The following ZBTB37 variants were observed in gnomAD, a reference collection of about 807,000 sequenced individuals.
The protein encoded by ZBTB37 is zinc finger and BTB domain containing 37.
ZBTB37 carries 15 observed loss-of-function variants against 37.7 expected under a neutral mutation model. The ratio of observed to expected loss-of-function variants is 0.40; its 90% CI spans 0.27 to 0.61. The LOEUF is 0.61. Ranked by LOEUF, ZBTB37 falls within the 20% of genes least tolerant of loss-of-function variation. ZBTB37 has a pLI of 0.44. For missense variants in ZBTB37, 514 were observed against 641.9 expected (o/e 0.80, Z 2.15); for synonymous variants, 231 against 220.6 (o/e 1.05, Z -0.42).
exon 2 of ZBTB37, chr1:173,868,974 T>G (rs908142586): frequency 6.6e-6 from 1 of 152,658 alleles, no homozygotes. Flanking sequence ...CTCCAGGGGC[T>G]TCCTCACTGG....
chr1:173,880,925 C>G (rs1457720717), intron 4 of ZBTB37, among the ~76,000 whole-genome samples: 1 of 151,142 alleles, frequency 6.6e-6, no homozygotes, highest in Non-Finnish European at 1.5e-5. Context: ...TATTACCTTC[C>G]TTAGAGTTGG....
intron 4 of ZBTB37, among the ~76,000 whole-genome samples, chr1:173,874,425 A>G (rs377098208): frequency 6.7e-6 from 1 of 149,562 alleles, no homozygotes; most frequent in African/African-American, 2.5e-5. Flanking sequence ...ATCTCGGCTC[A>G]CTGCAAGCTC....
chr1:173,888,623 T>G (rs370830072), downstream of ZBTB37: 1 of 151,886 alleles, frequency 6.6e-6, no homozygotes, highest in African/African-American at 2.4e-5. Context: ...AGACGGTGTC[T>G]CTACAAAATT....
chr1:173,874,461 C>T (rs1354229803), intron 4 of ZBTB37, among the ~76,000 whole-genome samples: 4 of 151,838 alleles, frequency 2.6e-5, no homozygotes, highest in Non-Finnish European at 4.4e-5. Context: ...CGCCATTCTC[C>T]TGCCTCAGCC....
intron 3 of ZBTB37, among the ~76,000 whole-genome samples, chr1:173,871,716 GT>G (rs1655577455): frequency 6.6e-6 from 1 of 152,110 alleles, no homozygotes; most frequent in South Asian, 2.1e-4. Flanking sequence ...TATCTTCCCT[GT>G]TTTCTTTCAT....
intron 4 of ZBTB37, among the ~76,000 whole-genome samples, chr1:173,882,992 A>T (rs921053830): frequency 1.3e-5 from 2 of 152,220 alleles, no homozygotes; most frequent in African/African-American, 4.8e-5. Context: ...AAATGCTATT[A>T]CTATATTCAC....
exon 3 of ZBTB37, chr1:173,871,128 A>G: frequency 6.2e-7 from 1 of 1,606,456 alleles, no homozygotes; most frequent in Non-Finnish European, 8.5e-7. Flanking sequence ...TGGCTCGGCC[A>G]ACAAGCAGTG....
exon 4 of ZBTB37, chr1:173,891,738 G>A (rs1656848988): frequency 6.6e-6 from 1 of 152,080 alleles, no homozygotes; most frequent in Non-Finnish European, 1.5e-5. Flanking sequence ...GGACCAGCCT[G>A]GGCAACATAG....
exon 4 of ZBTB37, chr1:173,898,522 A>T (rs963338412): frequency 6.6e-6 from 1 of 151,342 alleles, no homozygotes; most frequent in Non-Finnish European, 1.5e-5. Flanking sequence ...CCCCAAAGTG[A>T]TAGGATTACA....
intron 4 of ZBTB37, among the ~76,000 whole-genome samples, chr1:173,879,807 C>T (rs1039057711): frequency 1.3e-5 from 2 of 152,056 alleles, no homozygotes; most frequent in East Asian, 1.9e-4. Context: ...AAACATTAGC[C>T]AGGCATGGTG....
chr1:173,883,420 G>A (rs9425429), intron 4 of ZBTB37, among the ~76,000 whole-genome samples: 1,799 of 152,248 alleles, frequency 0.012, 45 homozygotes, highest in African/African-American at 0.042. Context: ...CGGAGGTTGT[G>A]ATGAGCCGAG....
chr1:173,872,116 T>C (rs1655606862), intron 3 of ZBTB37, among the ~76,000 whole-genome samples: 1 of 152,224 alleles, frequency 6.6e-6, no homozygotes, highest in African/African-American at 2.4e-5. Context: ...TCGTCCAGGC[T>C]GGAGTGCAGT....
intron 4 of ZBTB37, among the ~76,000 whole-genome samples, chr1:173,878,681 G>T (rs567737038): frequency 6.6e-6 from 1 of 152,218 alleles, no homozygotes; most frequent in Non-Finnish European, 1.5e-5. Flanking sequence ...TTAGCTTCTA[G>T]TGGTAAACAT....
At chr1:173,891,412 T>C (rs1485876312), downstream of ZBTB37, 5 of 151,904 alleles carry the variant, frequency 3.3e-5, no homozygotes, top group Non-Finnish European at 7.4e-5. Context: ...GCCAAGTTTT[T>C]CTTCCTTTTT....
At chr1:173,878,338 A>G (rs1240265990) in intron 4 of ZBTB37, among the ~76,000 whole-genome samples, 1 of 152,146 alleles carries the variant, frequency 6.6e-6, no homozygotes, top group African/African-American at 2.4e-5. Flanking sequence ...CAGAGACCAC[A>G]TTTTCTTTCC....
rs199857517 is a variant in ZBTB37 at position 173,875,332 on chromosome 1, T to TATA, written c.1023+1766_1023+1767insATA. Among the ~76,000 whole-genome samples the TATA allele has an allele frequency of 5.4e-3, 438 of 81,792 alleles. 2 individuals are homozygous for TATA. The highest frequency in any genetic ancestry group is 0.022 in the Middle Eastern group (4 of 186). The allele number at this position is 81,792 out of a possible 152,430, so 53.7% of individuals were successfully genotyped here. A position where few individuals can be genotyped will look rare whatever the true frequency, so the allele number is the denominator to read the frequency against. On this transcript the variant is annotated intron_variant, in intron 4 of 4. Transcript: ENST00000427304. ...TATATGTGTGCATATATATATATAT[T>TATA]TTTTTTTTTTTTTGAGGCAGTCTTG... is the stretch of plus-strand genomic sequence containing the variant.
chr1:173,879,069 G>C (rs887657966), intron 4 of ZBTB37, among the ~76,000 whole-genome samples: 17 of 133,100 alleles, frequency 1.3e-4, no homozygotes, highest in Non-Finnish European at 2.7e-4. Context: ...CCAGCCCGGG[G>C]AACAAGAGCA....
chr1:173,878,675 C>T (rs1656118916), intron 4 of ZBTB37, among the ~76,000 whole-genome samples: 1 of 152,194 alleles, frequency 6.6e-6, no homozygotes, highest in Non-Finnish European at 1.5e-5. Flanking sequence ...AAAGCTTTAG[C>T]TTCTAGTGGT....
chr1:173,889,010 G>C (rs1238246463), downstream of ZBTB37: 1 of 152,110 alleles, frequency 6.6e-6, no homozygotes, highest in African/African-American at 2.4e-5. Context: ...TGTGAATAGG[G>C]TGCTTCCTGG....
Sources: gnomAD v4.1 joint callset for allele counts (sites outside exome capture counted in the v4.1 genomes callset) on GRCh38, gnomAD v4.1.1 for gene constraint, MANE v1.5 for transcripts, NCBI Gene and HGNC (gene_info 2026-07-23, HGNC 2026-07-21) for gene names.